Variants in SLC5A10 observed in about 807,000 individuals in gnomAD.
SLC5A10 encodes the protein sodium/mannose cotransporter SLC5A10.
Under a neutral mutation model 68.9 loss-of-function variants are expected in SLC5A10, and 55 were observed. The ratio of observed to expected loss-of-function variants is 0.80; its 90% CI spans 0.64 to 1.00. SLC5A10 has a LOEUF of 1.00. SLC5A10 is among the 50% of genes least tolerant of loss of function. The pLI is 0.00. For missense variants in SLC5A10, 732 were observed against 819.3 expected, an observed-to-expected ratio of 0.89 and a Z score of 1.30; for synonymous variants, 344 against 344.8, an observed-to-expected ratio of 1.00 and a Z score of 0.02.
At chr17:18,957,255 C>A (rs921641435) in intron 1 of SLC5A10, among the ~76,000 whole-genome samples, 3 of 152,106 alleles carry the variant, frequency 2.0e-5, no homozygotes, top group Admixed American at 2.0e-4. Context: ...GGTAACACGG[C>A]CAGGAAGCAG....
At chr17:18,977,871 T>C (rs1388854324) in intron 9 of SLC5A10, 1 of 1,611,104 alleles carries the variant, frequency 6.2e-7, no homozygotes, top group Non-Finnish European at 8.5e-7. Context: ...CGGCCGGAGC[T>C]GCCTGAGTGG....
chr17:19,019,685 C>A (rs748884070), intron 12 of SLC5A10, 28 bp from the exon 13 acceptor site: 2 of 1,604,420 alleles, frequency 1.2e-6, no homozygotes, highest in East Asian at 4.5e-5. Context: ...TCCCGTAGCC[C>A]CACATGCCCT....
At chr17:18,985,152 G>A (rs2043238003) in intron 9 of SLC5A10, among the ~76,000 whole-genome samples, 1 of 152,238 alleles carries the variant, frequency 6.6e-6, no homozygotes, top group African/African-American at 2.4e-5. Context: ...GTCTCATGGC[G>A]GGGCTGTGCC....
intron 8 of SLC5A10, chr17:18,975,843 A>G (rs549248223): frequency 4.6e-5 from 7 of 152,276 alleles, no homozygotes; most frequent in African/African-American, 1.7e-4. Context: ...AACAGTGTAC[A>G]CTTTGGGTGA....
At position 19,017,714 on chromosome 17, in the gene SLC5A10, T is replaced by G. The variant is rs2044170762; in HGVS notation, c.1242-1709T>G. The G allele has an allele frequency of 3.3e-6, 1 of 302,992 alleles. No homozygotes were observed. Among genetic ancestry groups the G allele is most frequent in the South Asian group, 4.1e-5 (1 of 24,514 alleles). The allele number at this position is 302,992 out of a possible 1,614,324, so 18.8% of individuals were successfully genotyped here. A position where few individuals can be genotyped will look rare whatever the true frequency, so the allele number is the denominator to read the frequency against. On this transcript the variant is annotated intron_variant, in intron 11 of 14. Transcript: ENST00000395645. The surrounding 1 kb of genome is among the most constrained non-coding windows in gnomAD (Gnocchi z 5.6). ...CAGTCCGTAAATGGGGCCCACAGCCTCCTGGAAACCCTGTGCAGGACTCGG... is the reference window on the plus strand; with the variant it reads ...CAGTCCGTAAATGGGGCCCACAGCCGCCTGGAAACCCTGTGCAGGACTCGG...
chr17:19,008,501 ATT>A (rs201812786), intron 9 of SLC5A10, among the ~76,000 whole-genome samples: 18 of 141,584 alleles, frequency 1.3e-4, no homozygotes, highest in East Asian at 4.1e-4. Flanking sequence ...AGCCTCACAG[ATT>A]TTTTTTTTTT....
intron 9 of SLC5A10, among the ~76,000 whole-genome samples, chr17:18,993,724 T>A (rs1184575762): frequency 6.6e-6 from 1 of 152,038 alleles, no homozygotes; most frequent in African/African-American, 2.4e-5. Context: ...CATCTTGGGG[T>A]TCGTTATTCT....
In SLC5A10 at chr17:19,022,270, A is replaced by G. The variant is rs762051684; in HGVS notation, c.*1839A>G. On this transcript the variant is annotated 3_prime_UTR_variant, in exon 15 of 15. Transcript: ENST00000395645. ...GGGTCTCGGGCAGCACCGGAGTTGA[A>G]CTTTAAGTCCAGATCAATGGTAGTG... 7.5e-6 allele frequency: 4 copies of G among 533,616 alleles called. No individual in the cohort carries two copies. Among genetic ancestry groups the G allele is most frequent in the Middle Eastern group, 4.3e-4 (1 of 2,342 alleles). 33.1% of individuals were successfully genotyped at this position (533,616 alleles called of 1,614,324 possible). A position where few individuals can be genotyped will look rare whatever the true frequency, so the allele number is the denominator to read the frequency against.
rs918302555 is a variant in SLC5A10 at position 18,978,983 on chromosome 17, G to C, written c.982+1994G>C. On this transcript the variant is annotated intron_variant, in intron 9 of 14. Transcript: ENST00000395645. Reference sequence around the variant, plus strand: ...GGATCAAGAAGTGAATGGGGGCAGAGAGCAGGTGCATACTGTGGGGTCAGA... The same window carrying C: ...GGATCAAGAAGTGAATGGGGGCAGACAGCAGGTGCATACTGTGGGGTCAGA... 52 of 1,007,884 alleles carry C rather than the reference G, an allele frequency of 5.2e-5. No homozygotes were observed. The South Asian group carries it at 8.0e-4, about 15-fold the overall frequency. The allele number at this position is 1,007,884 out of a possible 1,614,324, so 62.4% of individuals were successfully genotyped here.
At chr17:19,013,797 C>T (rs2044073425) in intron 10 of SLC5A10, among the ~76,000 whole-genome samples, 1 of 151,920 alleles carries the variant, frequency 6.6e-6, no homozygotes, top group South Asian at 2.1e-4. Context: ...CTTTTCTCTT[C>T]TGTTCTGGGC....
intron 9 of SLC5A10, among the ~76,000 whole-genome samples, chr17:18,983,458 G>A (rs2043188719): frequency 6.6e-6 from 1 of 152,230 alleles, no homozygotes; most frequent in Admixed American, 6.5e-5. Context: ...TGCCCATAGT[G>A]GGATGGCCAT....
In SLC5A10 at chr17:19,022,179, C is replaced by T. The variant is rs2044275841; in HGVS notation, c.*1748C>T. 7.8e-7 allele frequency: 1 copy of T among 1,278,086 alleles called. No individual in the cohort carries two copies. The highest frequency in any genetic ancestry group is 1.0e-6 in the Non-Finnish European group (1 of 960,936). The allele number at this position is 1,278,086 out of a possible 1,614,324, so 79.2% of individuals were successfully genotyped here. A position where few individuals can be genotyped will look rare whatever the true frequency, so the allele number is the denominator to read the frequency against. On this transcript the variant is annotated 3_prime_UTR_variant, in exon 15 of 15. Coordinates refer to ENST00000395645, the MANE Select transcript of SLC5A10 (RefSeq NM_001042450.4). ...GAGGAGGTGGTTAGTAGGGTGCCTT[C>T]AGAAGCCCTGCAACCCACCCTCCCT...
intron 1 of SLC5A10, among the ~76,000 whole-genome samples, chr17:18,956,350 A>G (rs2042501025): frequency 6.6e-6 from 1 of 151,848 alleles, no homozygotes; most frequent in Non-Finnish European, 1.5e-5. Flanking sequence ...ATATTGATGG[A>G]TATATTTTGT....
chr17:19,014,132 G>A lies in SLC5A10; in HGVS notation c.1090+615G>A, dbSNP rs540604313. 7.9e-5 allele frequency among the ~76,000 whole-genome samples: 12 copies of A among 152,316 alleles called. No individual in the cohort carries two copies. The South Asian group carries it at 2.3e-3, about 29-fold the overall frequency. ...TAAATGGCTGTGCCTTCCGGGCAGGGGGGCCTATGTCAGGCTTATCCTAGG... is the reference window on the plus strand; with the variant it reads ...TAAATGGCTGTGCCTTCCGGGCAGGAGGGCCTATGTCAGGCTTATCCTAGG... On this transcript the variant is annotated intron_variant, in intron 10 of 14. Coordinates refer to ENST00000395645, the MANE Select transcript of SLC5A10 (RefSeq NM_001042450.4).
intron 5 of SLC5A10, among the ~76,000 whole-genome samples, chr17:18,961,091 C>A (rs1438152064): frequency 6.6e-6 from 1 of 152,220 alleles, no homozygotes; most frequent in Non-Finnish European, 1.5e-5. Flanking sequence ...TCACTGACAC[C>A]CATCCTTGGG....
chr17:18,982,752 C>T (rs951111127), intron 9 of SLC5A10, among the ~76,000 whole-genome samples: 8 of 152,172 alleles, frequency 5.3e-5, no homozygotes, highest in Non-Finnish European at 1.2e-4. Context: ...CCCGCTGGTG[C>T]GAGGCAGAGG....
chr17:19,000,729 G>A lies in SLC5A10; in HGVS notation c.983-12681G>A, dbSNP rs748316329. 6.6e-6 allele frequency among the ~76,000 whole-genome samples: 1 copy of A among 152,174 alleles called. No individual in the cohort carries two copies. Among genetic ancestry groups the A allele is most frequent in the Admixed American group, 6.5e-5 (1 of 15,288 alleles). ...AGAGGGATCCCCATCCTAGGCAGGG[G>A]GCAGGCAGAGTTCTCCCTACACAAT... On this transcript the variant is annotated intron_variant, in intron 9 of 14. Transcript: ENST00000395645. The surrounding 1 kb of genome is among the most constrained non-coding windows in gnomAD (Gnocchi z 5.2).
chr17:18,952,516 G>A (rs1052075727), intron 1 of SLC5A10, 200 bp downstream of exon 1: 3 of 570,346 alleles, frequency 5.3e-6, no homozygotes, highest in Non-Finnish European at 9.1e-6. Flanking sequence ...GGGTAATGGC[G>A]TCTCCATCTG....
intron 9 of SLC5A10, chr17:18,979,592 A>T: frequency 6.2e-7 from 1 of 1,613,442 alleles, no homozygotes; most frequent in South Asian, 1.1e-5. Context: ...ACAAACATGA[A>T]CTTCTGGGCC....
Sources: gnomAD v4.1 joint callset for allele counts (sites outside exome capture counted in the v4.1 genomes callset) on GRCh38, gnomAD v4.1.1 for gene constraint, Gnocchi (gnomAD v3.1) non-coding constraint, MANE v1.5 for transcripts, NCBI Gene and HGNC (gene_info 2026-07-23, HGNC 2026-07-21) for gene names.